PAM: variants seen among roughly 807,000 people sequenced by gnomAD.
PAM encodes peptidyl-glycine alpha-amidating monooxygenase.
A neutral mutation model predicts 122.1 loss-of-function variants in PAM; 72 were observed. The ratio of observed to expected loss-of-function variants is 0.59; its 90% confidence interval spans 0.49 to 0.72. PAM has a LOEUF of 0.72. Ranked by LOEUF, PAM falls within the 30% of genes least tolerant of loss-of-function variation. PAM has a pLI of 0.00. For synonymous variants in PAM, 389 were observed against 404.4 expected, an observed-to-expected ratio of 0.96 and a Z score of 0.46; for missense variants, 1,106 against 1,183.7, an observed-to-expected ratio of 0.93 and a Z score of 0.96.
At chr5:103,014,653 C>T (rs1480859985) in intron 21 of PAM, among the ~76,000 whole-genome samples, 1 of 152,154 alleles carries the variant, frequency 6.6e-6, no homozygotes, top group African/African-American at 2.4e-5. Flanking sequence ...CATACCCACT[C>T]CTTATCTCCT....
At chr5:102,839,570 C>T (rs1024062069) in intron 1 of PAM, among the ~76,000 whole-genome samples, 3 of 149,850 alleles carry the variant, frequency 2.0e-5, no homozygotes, top group Non-Finnish European at 4.4e-5. Flanking sequence ...GTGCCAGTTA[C>T]ATTTGAATAA....
In PAM at chr5:102,966,985, ATTAGATAC is replaced by A. The variant is rs1434467658; in HGVS notation, c.1162+5759_1162+5766del. ...ATTAAGATTTTACAATTTCTAAAAA[ATTAGATAC>A]TTTTTTTTTTCTATCCAGTAATCTT... On this transcript the variant is annotated intron_variant, in intron 14 of 25. Transcript: ENST00000438793. Among the ~76,000 whole-genome samples the A allele has an allele frequency of 2.1e-5, 3 of 141,052 alleles. No individual in the cohort carries two copies. The South Asian group carries it at 6.5e-4, about 31-fold the overall frequency. 92.5% of individuals were successfully genotyped at this position (141,052 alleles called of 152,430 possible).
At chr5:102,863,032 T>C (rs932558128) in intron 1 of PAM, among the ~76,000 whole-genome samples, 1 of 144,948 alleles carries the variant, frequency 6.9e-6, no homozygotes, top group Non-Finnish European at 1.5e-5. Flanking sequence ...GGGAATGGAC[T>C]GCCTACTTTG....
chr5:102,915,904 A>G (rs1203519210), intron 5 of PAM, among the ~76,000 whole-genome samples: 1 of 152,162 alleles, frequency 6.6e-6, no homozygotes, highest in South Asian at 2.1e-4. Context: ...TAAATAAACT[A>G]TTCTGAAATT....
chr5:102,877,986 A>C (rs1789756905), intron 3 of PAM, among the ~76,000 whole-genome samples: 2 of 151,924 alleles, frequency 1.3e-5, no homozygotes, highest in African/African-American at 4.8e-5. Flanking sequence ...TATGATTGTC[A>C]CACTGCATTC....
chr5:102,886,844 A>G (rs1007189739), intron 3 of PAM, among the ~76,000 whole-genome samples: 3 of 152,070 alleles, frequency 2.0e-5, no homozygotes, highest in Admixed American at 6.6e-5. Flanking sequence ...TTTGCACAGT[A>G]TTCTGTATTG....
chr5:102,934,771 G>C (rs1752725811), intron 7 of PAM, among the ~76,000 whole-genome samples: 2 of 152,112 alleles, frequency 1.3e-5, no homozygotes, highest in Non-Finnish European at 2.9e-5. Flanking sequence ...TATAACAAAT[G>C]TTTAAATATT....
At chr5:102,988,555 G>C (rs903920815) in intron 15 of PAM, among the ~76,000 whole-genome samples, 4 of 150,538 alleles carry the variant, frequency 2.7e-5, no homozygotes, top group African/African-American at 7.3e-5. Flanking sequence ...AATACGCTTA[G>C]GGAATAGTTG....
At chr5:102,818,592 C>G (rs867397851) in intron 1 of PAM, among the ~76,000 whole-genome samples, 1 of 152,068 alleles carries the variant, frequency 6.6e-6, no homozygotes, top group Non-Finnish European at 1.5e-5. Flanking sequence ...CTCAGGATGT[C>G]CTTTGTCCAG....
At chr5:102,791,925 T>G (rs1442908395) in intron 1 of PAM, among the ~76,000 whole-genome samples, 1 of 152,180 alleles carries the variant, frequency 6.6e-6, no homozygotes, top group Non-Finnish European at 1.5e-5. Context: ...GCTTCATTAC[T>G]CCAAATATTG....
upstream of PAM, chr5:102,755,254 C>G (rs1285107396): frequency 6.6e-6 from 1 of 152,210 alleles, no homozygotes; most frequent in Non-Finnish European, 1.5e-5. Context: ...AGCCTGTCCC[C>G]GCCCAGGGAG....
chr5:102,808,272 T>G (rs184999666), intron 1 of PAM: 23 of 152,336 alleles, frequency 1.5e-4, no homozygotes, highest in African/African-American at 5.3e-4. Flanking sequence ...TACTAAATGC[T>G]TCTATTATTC....
Position 103,022,234 on chromosome 5 carries a change from A to T in PAM, c.2485+2391A>T, listed in dbSNP as rs182479740. ...GCAACACATTGTAAGGAAACACATT[A>T]AAAAAAAAAAGAATGATCTCATTGG... On this transcript the variant is annotated intron_variant, in intron 23 of 25. Transcript: ENST00000438793. Among the ~76,000 whole-genome samples, 249 of 80,074 alleles carry T rather than the reference A, an allele frequency of 3.1e-3. 4 individuals carry two copies. In the East Asian group the frequency reaches 0.11, roughly 37 times the overall value. The allele number at this position is 80,074 out of a possible 152,430, so 52.5% of individuals were successfully genotyped here.
chr5:102,981,889 C>A (rs1183723894), intron 15 of PAM, among the ~76,000 whole-genome samples: 2 of 152,184 alleles, frequency 1.3e-5, no homozygotes, highest in Non-Finnish European at 2.9e-5. Context: ...GTTGATTTAT[C>A]TAGTCATTTC....
chr5:102,822,930 A>G (rs556938696), intron 1 of PAM, among the ~76,000 whole-genome samples: 7 of 152,254 alleles, frequency 4.6e-5, no homozygotes, highest in South Asian at 2.1e-4. Context: ...ATCCCAGTCC[A>G]TGGCCCTCCC....
At chr5:102,951,816 A>G (rs901788055) in intron 12 of PAM, among the ~76,000 whole-genome samples, 2 of 152,162 alleles carry the variant, frequency 1.3e-5, no homozygotes, top group Non-Finnish European at 2.9e-5. Flanking sequence ...TGTTACAGAA[A>G]TAGTTTCCAA....
intron 17 of PAM, 103 bp downstream of exon 17, chr5:103,003,252 A>G: frequency 1.8e-6 from 1 of 567,870 alleles, no homozygotes; most frequent in East Asian, 2.8e-5. Flanking sequence ...ACTGCACTTG[A>G]GAAAGCAGAA....
chr5:102,765,274 C>T (rs1753553835), intron 1 of PAM, among the ~76,000 whole-genome samples: 1 of 152,090 alleles, frequency 6.6e-6, no homozygotes, highest in Non-Finnish European at 1.5e-5. Context: ...TGACATTGGC[C>T]AAAACAGTCA....
chr5:102,919,905 T>G (rs181858031), intron 5 of PAM, among the ~76,000 whole-genome samples: 8 of 152,250 alleles, frequency 5.3e-5, no homozygotes, highest in Non-Finnish European at 8.8e-5. Context: ...TGTAGACTAG[T>G]GTCAACTTTA....
Sources: gnomAD v4.1 joint callset for allele counts (sites outside exome capture counted in the v4.1 genomes callset) on GRCh38, gnomAD v4.1.1 for gene constraint, MANE v1.5 for transcripts, NCBI Gene and HGNC (gene_info 2026-07-23, HGNC 2026-07-21) for gene names.